PPEF1: variants seen among roughly 807,000 people sequenced by gnomAD.
PPEF1 encodes the protein serine/threonine-protein phosphatase with EF-hands 1.
Under a neutral mutation model 53.3 loss-of-function variants are expected in PPEF1, and 12 were observed. That is an observed-to-expected ratio of 0.23 (90% CI 0.14 to 0.36). The LOEUF (loss-of-function observed/expected upper bound fraction) is 0.36. PPEF1 is among the 10% of genes least tolerant of loss of function. PPEF1 has a pLI of 1.00. For synonymous variants in PPEF1, 165 were observed against 176.7 expected (o/e 0.93, Z 0.52); for missense variants, 334 against 490.4 (o/e 0.68, Z 3.01).
At chrX:18,711,638 C>T (rs2044330574) in intron 1 of PPEF1, among the ~76,000 whole-genome samples, 1 of 99,909 alleles carries the variant, frequency 1.0e-5, no homozygotes, top group African/African-American at 3.8e-5. Flanking sequence ...ATTGAATCCT[C>T]TTAGCACCAT....
At chrX:18,677,928 C>T (rs1928734288) in intron 1 of PPEF1, among the ~76,000 whole-genome samples, 1 of 110,663 alleles carries the variant, frequency 9.0e-6, no homozygotes, top group Non-Finnish European at 1.9e-5. Flanking sequence ...TATCTGGAGA[C>T]GCTTTTGTTG....
At chrX:18,696,478 C>T (rs1035802312) in intron 4 of PPEF1, among the ~76,000 whole-genome samples, 16 of 110,854 alleles carry the variant, frequency 1.4e-4, no homozygotes, top group Non-Finnish European at 2.1e-4. Flanking sequence ...CATCATGGAC[C>T]CCTCACAGTA....
chrX:18,738,188 T>G lies in PPEF1; in HGVS notation c.235+4380T>G, dbSNP rs1425583030. On this transcript the variant is annotated intron_variant, in intron 3 of 15. Transcript: ENST00000470157. ...CATTATGATGTTAGCTGGTTATTTT[T>G]CTCGTTAGTTGATGCAGTTTCTTCC... 4.5e-5 allele frequency among the ~76,000 whole-genome samples: 5 copies of G among 111,396 alleles called. No individual in the cohort carries two copies. The East Asian group carries it at 8.5e-4, about 19-fold the overall frequency.
chrX:18,791,307 A>C (rs1379424219), intron 10 of PPEF1, among the ~76,000 whole-genome samples: 1 of 111,807 alleles, frequency 8.9e-6, no homozygotes, highest in African/African-American at 3.2e-5. Context: ...GTTGCCTTGA[A>C]TCTGTAGGTC....
At chrX:18,717,023 G>T (rs112443681) in intron 1 of PPEF1, among the ~76,000 whole-genome samples, 2,071 of 107,193 alleles carry the variant, frequency 0.019, 66 homozygotes, top group African/African-American at 0.067. Context: ...TTGCTCATCA[G>T]CATCTTGACA....
chrX:18,691,412 A>G (rs1191462753), intron 4 of PPEF1: 1 of 111,477 alleles, frequency 9.0e-6, no homozygotes, highest in Non-Finnish European at 1.9e-5. Context: ...GAAGGATCAG[A>G]GTATCTTACC....
chrX:18,705,911 T>C (rs1232491817), upstream of PPEF1, among the ~76,000 whole-genome samples: 1 of 111,337 alleles, frequency 9.0e-6, no homozygotes, highest in Non-Finnish European at 1.9e-5. Flanking sequence ...TTTTGAAGCT[T>C]TTGGTGTAGT....
intron 1 of PPEF1, among the ~76,000 whole-genome samples, chrX:18,726,002 G>A (rs2044697366): frequency 9.0e-6 from 1 of 111,272 alleles, no homozygotes; most frequent in South Asian, 3.7e-4. Context: ...GCATCAGGGA[G>A]GAGAAGTGGC....
chrX:18,805,545 C>T (rs2046640863), intron 11 of PPEF1, among the ~76,000 whole-genome samples: 1 of 110,894 alleles, frequency 9.0e-6, no homozygotes, highest in Non-Finnish European at 1.9e-5. Context: ...CCCTGTCACC[C>T]ACAAATATTG....
chrX:18,813,378 CAA>C (rs953412612), intron 12 of PPEF1, among the ~76,000 whole-genome samples: 2 of 30,809 alleles, frequency 6.5e-5, no homozygotes, highest in African/African-American at 1.1e-4. Context: ...GACTCCGTCT[CAA>C]AAAAAAAAAA....
chrX:18,773,067 A>T (rs895362958), intron 6 of PPEF1, among the ~76,000 whole-genome samples: 1 of 112,631 alleles, frequency 8.9e-6, no homozygotes, highest in Non-Finnish European at 1.9e-5. Context: ...GAAGCAAGTC[A>T]GTAAGTCTTG....
intron 3 of PPEF1, among the ~76,000 whole-genome samples, chrX:18,734,476 G>C (rs1477959190): frequency 9.0e-6 from 1 of 110,862 alleles, no homozygotes; most frequent in Admixed American, 9.7e-5. Flanking sequence ...TTTAATGACT[G>C]CATAGTATTC....
chrX:18,678,912 C>A (rs1928776204), upstream of PPEF1, among the ~76,000 whole-genome samples: 1 of 110,918 alleles, frequency 9.0e-6, no homozygotes, highest in Non-Finnish European at 1.9e-5. Context: ...TTTCAATACC[C>A]TTGAGAACCT....
chrX:18,756,034 C>T (rs1375748672), intron 4 of PPEF1, among the ~76,000 whole-genome samples: 3 of 111,045 alleles, frequency 2.7e-5, no homozygotes, highest in African/African-American at 6.5e-5. Flanking sequence ...GGGAAAGATA[C>T]GATACTTTTA....
intron 10 of PPEF1, among the ~76,000 whole-genome samples, chrX:18,793,369 C>T (rs967488617): frequency 1.4e-4 from 15 of 111,042 alleles, no homozygotes; most frequent in African/African-American, 3.6e-4. Flanking sequence ...ATATTTCTTT[C>T]GCTTATTGAT....
chrX:18,766,065 CAAAAAAAA>C (rs61277288), intron 6 of PPEF1, among the ~76,000 whole-genome samples: 4 of 63,974 alleles, frequency 6.3e-5, no homozygotes, highest in African/African-American at 2.4e-4. Context: ...AACTCTGTCT[CAAAAAAAA>C]AAAAAAAAAA....
chrX:18,817,068 ATGTGTGTGTGTGTG>A lies in PPEF1; in HGVS notation c.1395-947_1395-934del, dbSNP rs72334387. Among the ~76,000 whole-genome samples, 7 of 100,116 alleles carry A rather than the reference ATGTGTGTGTGTGTG, an allele frequency of 7.0e-5. No homozygotes were observed. The South Asian group carries it at 1.5e-3, about 21-fold the overall frequency. The allele number at this position is 100,116 out of a possible 115,157, so 86.9% of individuals were successfully genotyped here. On this transcript the variant is annotated intron_variant, in intron 12 of 15. Coordinates refer to ENST00000470157, the MANE Select transcript of PPEF1 (RefSeq NM_001377996.1). ...CTGGATTTACATCTATCATTTTGCC[ATGTGTGTGTGTGTG>A]TGTGTGTGTGTGTGTGTGTGTGTAC...
At position 18,825,424 on chromosome X, in the gene PPEF1, G is replaced by A. The variant is rs140654735; in HGVS notation, c.1666-327G>A. ...CTTGGGAAAGTTCCTTTATCTCCCT[G>A]TTTTCAAATTTGTAAAATGGACATA... On this transcript the variant is annotated intron_variant, in intron 14 of 15. Transcript: ENST00000470157. 9.0e-3 allele frequency among the ~76,000 whole-genome samples: 1,012 copies of A among 112,134 alleles called. 14 individuals are homozygous for A. Among genetic ancestry groups the A allele is most frequent in the African/African-American group, 0.032 (976 of 30,891 alleles).
intron 11 of PPEF1, 32 bp downstream of exon 11, chrX:18,804,109 A>G (rs1465521264): frequency 8.9e-7 from 1 of 1,126,374 alleles, no homozygotes; most frequent in African/African-American, 1.8e-5. Flanking sequence ...CATTCCCATA[A>G]ACATCCTTCC....
Sources: allele counts gnomAD v4.1 joint callset (sites outside exome capture counted in the v4.1 genomes callset), GRCh38; gene constraint gnomAD v4.1.1; transcripts MANE v1.5; gene names NCBI Gene and HGNC (gene_info 2026-07-23, HGNC 2026-07-21).